Variants in M1AP observed in about 807,000 individuals in gnomAD.
The protein encoded by M1AP is meiosis 1 arrest protein.
A neutral mutation model predicts 51.2 loss-of-function variants in M1AP; 39 were observed. That is an observed-to-expected ratio of 0.76 (90% CI 0.59 to 1.00). The LOEUF (loss-of-function observed/expected upper bound fraction) is 1.00, where lower values mean the gene tolerates loss of function less well. Ranked by LOEUF, M1AP falls within the 50% of genes least tolerant of loss-of-function variation. The pLI is 0.00. For synonymous variants in M1AP, 251 were observed against 249.2 expected, an observed-to-expected ratio of 1.01 and a Z score of -0.07; for missense variants, 545 against 641.2, an observed-to-expected ratio of 0.85 and a Z score of 1.62.
chr2:74,606,736 T>G (rs1160051618), intron 4 of M1AP, among the ~76,000 whole-genome samples: 2 of 152,056 alleles, frequency 1.3e-5, no homozygotes, highest in Non-Finnish European at 1.5e-5. Flanking sequence ...GTTTCTGAAA[T>G]AAAATGATTA....
In M1AP at chr2:74,640,228, C is replaced by G. The variant is rs765610757; in HGVS notation, c.48G>C (p.Gln16His). 6.2e-7 allele frequency: 1 copy of G among 1,613,992 alleles called. No individual in the cohort carries two copies. Among genetic ancestry groups the G allele is most frequent in the African/African-American group, 1.3e-5 (1 of 74,896 alleles). The change falls in exon 2 of 11, where the codon CAG becomes CAC. Residue 16 changes from glutamine (Q) to histidine (H), a missense_variant. Coordinates refer to ENST00000421985, the MANE Select transcript of M1AP (RefSeq NM_001321739.2). ...TTGKGPSTHT[Q>H]IDQQPPRLLI... is the part of the protein sequence containing the mutation. ...GAAGCCGTGGAGGTTGCTGGTCAAT[C>G]TGAGTGTGAGTAGAGGGCCCTTTAC...
At chr2:74,576,717 G>A in intron 5 of M1AP, 99 bp from the exon 6 acceptor site, 1 of 1,373,636 alleles carries the variant, frequency 7.3e-7, no homozygotes. Context: ...GACAACATCT[G>A]CTACCCATTC....
chr2:74,647,851 G>A (rs1683697415), intron 1 of M1AP: 1 of 203,274 alleles, frequency 4.9e-6, no homozygotes, highest in South Asian at 1.7e-4. Context: ...CCGAGATCAC[G>A]CCATTGCACT....
rs560827648 is a variant in M1AP at position 74,618,955 on chromosome 2, A to G, written c.241-3806T>C. 7.5e-6 allele frequency: 4 copies of G among 535,258 alleles called. No homozygotes were observed. The Admixed American group carries it at 7.8e-5, about 10-fold the overall frequency. 33.2% of individuals were successfully genotyped at this position (535,258 alleles called of 1,614,324 possible). Reference sequence around the variant, plus strand: ...TCATTTCCTCTGCCACTCTTGTGACAATGTCTTCATCTATAGCAGAACCAT... The same window carrying G: ...TCATTTCCTCTGCCACTCTTGTGACGATGTCTTCATCTATAGCAGAACCAT... On this transcript the variant is annotated intron_variant, in intron 2 of 10. Transcript: ENST00000421985.
intron 1 of M1AP, among the ~76,000 whole-genome samples, chr2:74,640,683 C>A (rs573431414): frequency 6.6e-6 from 1 of 152,022 alleles, no homozygotes; most frequent in Non-Finnish European, 1.5e-5. Flanking sequence ...GTCTTGATCT[C>A]TTGACCTCAC....
At chr2:74,640,362 A>C (rs1683224283) in intron 1 of M1AP, 35 bp from the exon 2 acceptor site, 1 of 1,522,332 alleles carries the variant, frequency 6.6e-7, no homozygotes, top group South Asian at 1.3e-5. Flanking sequence ...CTGGTTTTCA[A>C]ACTGAATTAT....
At chr2:74,610,635 T>G (rs138456039) in intron 3 of M1AP, among the ~76,000 whole-genome samples, 1 of 152,076 alleles carries the variant, frequency 6.6e-6, no homozygotes, top group Admixed American at 6.5e-5. Flanking sequence ...AAAGTTTTTT[T>G]CGTAGTGGCA....
chr2:74,603,278 C>T (rs1057349582), intron 4 of M1AP, among the ~76,000 whole-genome samples: 1 of 152,174 alleles, frequency 6.6e-6, no homozygotes, highest in Non-Finnish European at 1.5e-5. Flanking sequence ...AGGATATACA[C>T]CAGGACACAG....
intron 7 of M1AP, among the ~76,000 whole-genome samples, chr2:74,572,445 C>T (rs995050723): frequency 5.3e-5 from 8 of 152,130 alleles, no homozygotes; most frequent in African/African-American, 1.7e-4. Context: ...CTCAGACTCC[C>T]GAGTAGCTGG....
intron 3 of M1AP, among the ~76,000 whole-genome samples, chr2:74,607,710 G>A (rs1019485912): frequency 3.9e-5 from 6 of 152,080 alleles, no homozygotes; most frequent in African/African-American, 1.2e-4. Context: ...TCCTGACCTC[G>A]TGATCCGCCC....
At chr2:74,561,097 AAGGAGGAGG>A (rs1558643579) in intron 8 of M1AP, among the ~76,000 whole-genome samples, 5 of 38,470 alleles carry the variant, frequency 1.3e-4, no homozygotes, top group African/African-American at 6.4e-4. Flanking sequence ...GGAGAAGGAG[AAGGAGGAGG>A]AGGAGAAGGA....
At chr2:74,580,852 A>G (rs1679362890) in intron 5 of M1AP, among the ~76,000 whole-genome samples, 2 of 152,112 alleles carry the variant, frequency 1.3e-5, no homozygotes, top group Admixed American at 6.5e-5. Context: ...CCACCCCTAA[A>G]GAAGATATAC....
intron 6 of M1AP, 30 bp from the exon 7 acceptor site, chr2:74,575,609 C>A: frequency 4.5e-6 from 7 of 1,566,026 alleles, no homozygotes; most frequent in Non-Finnish European, 6.1e-6. Flanking sequence ...GTCAAAGACT[C>A]CTTAGTGATA....
Position 74,581,939 on chromosome 2 carries a change from C to T in M1AP, c.596-92G>A, listed in dbSNP as rs541191262. ...CACATCCATCTTTTCTTTTTTGAGA[C>T]GGGGGTCTCATTATGTCACCCAGGC... On this transcript the variant is annotated intron_variant, in intron 4 of 10. Coordinates refer to ENST00000421985, the MANE Select transcript of M1AP (RefSeq NM_001321739.2). 258 of 1,190,310 alleles carry T rather than the reference C, an allele frequency of 2.2e-4. 1 individual carries two copies. The highest frequency in any genetic ancestry group is 1.7e-3 in the Admixed American group (81 of 46,692). 73.7% of individuals were successfully genotyped at this position (1,190,310 alleles called of 1,614,324 possible).
chr2:74,569,458 G>A (rs1678590840), intron 7 of M1AP, among the ~76,000 whole-genome samples: 1 of 144,652 alleles, frequency 6.9e-6, no homozygotes, highest in African/African-American at 2.6e-5. Context: ...TCGGCTCACT[G>A]CAACCTCTGC....
At chr2:74,615,293 T>G in intron 2 of M1AP, 144 bp from the exon 3 acceptor site, 1 of 737,890 alleles carries the variant, frequency 1.4e-6, no homozygotes, top group Non-Finnish European at 2.2e-6. Flanking sequence ...TGAATTCCTA[T>G]TGTGTTCTAG....
intron 8 of M1AP, among the ~76,000 whole-genome samples, chr2:74,560,814 C>T (rs1054756390): frequency 6.6e-6 from 1 of 152,116 alleles, no homozygotes; most frequent in South Asian, 2.1e-4. Flanking sequence ...AAGTGAGACA[C>T]TGAGCAGGCC....
chr2:74,577,585 A>G (rs771275874), intron 5 of M1AP, among the ~76,000 whole-genome samples: 7 of 152,240 alleles, frequency 4.6e-5, no homozygotes, highest in Admixed American at 1.3e-4. Flanking sequence ...GAGTGGCAGA[A>G]CAGATGTTAG....
At chr2:74,588,522 CAACAT>C (rs1679850611) in intron 4 of M1AP, among the ~76,000 whole-genome samples, 1 of 152,200 alleles carries the variant, frequency 6.6e-6, no homozygotes, top group African/African-American at 2.4e-5. Flanking sequence ...TAAATCAACA[CAACAT>C]GAGAATAATC....
Sources: gnomAD v4.1 joint callset for allele counts (sites outside exome capture counted in the v4.1 genomes callset) on GRCh38, gnomAD v4.1.1 for gene constraint, MANE v1.5 for transcripts, NCBI Gene and HGNC (gene_info 2026-07-23, HGNC 2026-07-21) for gene names.